The following CPEB2 variants were observed in gnomAD, a reference collection of about 807,000 sequenced individuals.
CPEB2 encodes cytoplasmic polyadenylation element-binding protein 2.
In CPEB2, 56 loss-of-function variants were observed where a neutral mutation model predicts 93.6. The observed-to-expected ratio is 0.60, with a 90% CI of 0.48 to 0.75. CPEB2 has a LOEUF of 0.75. CPEB2 is among the 30% of genes least tolerant of loss of function. CPEB2 has a pLI of 0.00. For synonymous variants in CPEB2, 764 were observed against 586.3 expected, an observed-to-expected ratio of 1.30 and a Z score of -4.38; for missense variants, 1,579 against 1,395.1, an observed-to-expected ratio of 1.13 and a Z score of -2.10.
chr4:15,040,960 A>C (rs529933677), intron 6 of CPEB2, among the ~76,000 whole-genome samples: 1 of 152,170 alleles, frequency 6.6e-6, no homozygotes, highest in African/African-American at 2.4e-5. Context: ...TATAGAAATC[A>C]TGTTGCTTAT....
chr4:15,023,335 T>C (rs7673533), intron 4 of CPEB2, among the ~76,000 whole-genome samples: 150,965 of 152,096 alleles, frequency 0.99, 74,931 homozygotes, highest in Middle Eastern at 1. Context: ...AGAATTTCTT[T>C]TGAAGGTTTT....
At chr4:15,058,332 TC>T in intron 8 of CPEB2, 88 bp from the exon 9 acceptor site, 3 of 732,002 alleles carry the variant, frequency 4.1e-6, no homozygotes, top group East Asian at 2.5e-5. Context: ...TTTTTTTTTT[TC>T]AAAAGCATGT....
At position 15,003,902 on chromosome 4, in the gene CPEB2, A is replaced by AGCAGCCGCCCCAGCCGCAGCC. The variant is rs1160907955; in HGVS notation, c.1240_1260dup (p.Gln414_Pro420dup). The AGCAGCCGCCCCAGCCGCAGCC allele has an allele frequency of 3.6e-5, 33 of 904,340 alleles. No individual in the cohort carries two copies. The highest frequency in any genetic ancestry group is 4.5e-5 in the Non-Finnish European group (31 of 693,604). The allele number at this position is 904,340 out of a possible 1,614,324, so 56.0% of individuals were successfully genotyped here. On this transcript the variant is annotated inframe_insertion, in exon 1 of 12. Transcript: ENST00000538197. The stretch of plus-strand genomic sequence containing the variant: ...CCGCAGCAGCAGCCGCCGCCACCCC[A>AGCAGCCGCCCCAGCCGCAGCC]GCAGCCGCCCCAGCCGCAGCCGCAG...
At chr4:15,053,015 A>T (rs1214462256) in intron 7 of CPEB2, among the ~76,000 whole-genome samples, 1 of 144,732 alleles carries the variant, frequency 6.9e-6, no homozygotes, top group African/African-American at 2.7e-5. Flanking sequence ...ATTTTTATTT[A>T]TTTATTTATT....
rs542496629 is a variant in CPEB2 at position 15,027,252 on chromosome 4, A to C, written c.2126-5909A>C. Among the ~76,000 whole-genome samples, 20 of 152,320 alleles carry C rather than the reference A, an allele frequency of 1.3e-4. 1 individual carries two copies. Among genetic ancestry groups the C allele is most frequent in the Admixed American group, 1.0e-3 (16 of 15,306 alleles). On this transcript the variant is annotated intron_variant, in intron 4 of 11. Coordinates refer to ENST00000538197, the MANE Select transcript of CPEB2 (RefSeq NM_001177382.2). ...AGTATTAATTGGGTAAAAGTCTTAA[A>C]ATATGATTAGGCCAAAAAATTTATG...
Position 15,003,078 on chromosome 4 carries a change from C to T in CPEB2, c.405C>T (p.Leu135=). ...GGTIAGVTHL[L]PSQDFKPSLH... ...CGATCGCGGGTGTGACCCACCTCCT[C>T]CCCTCCCAGGACTTCAAACCGAGTC... Residue 135 remains leucine, a synonymous_variant, in exon 1 of 12, where the codon CTC becomes CTT. Transcript: ENST00000538197. The T allele has an allele frequency of 2.0e-6, 3 of 1,529,114 alleles. No individual in the cohort carries two copies. The highest frequency in any genetic ancestry group is 2.6e-6 in the Non-Finnish European group (3 of 1,144,726). The allele number at this position is 1,529,114 out of a possible 1,614,324, so 94.7% of individuals were successfully genotyped here.
intron 4 of CPEB2, among the ~76,000 whole-genome samples, chr4:15,019,019 A>G (rs1404257289): frequency 6.7e-6 from 1 of 148,332 alleles, no homozygotes; most frequent in Non-Finnish European, 1.5e-5. Context: ...TTTTAATCTC[A>G]AGTGAATTCA....
chr4:15,004,920 G>T (rs1285561461), intron 1 of CPEB2: 2 of 142,644 alleles, frequency 1.4e-5, no homozygotes, highest in African/African-American at 5.8e-5. Context: ...AGGGAAGGCG[G>T]AAAGGCTTTT....
intron 1 of CPEB2, 83 bp downstream of exon 1, chr4:15,004,418 A>AC (rs1444743037): frequency 7.5e-6 from 8 of 1,064,166 alleles, no homozygotes; most frequent in Non-Finnish European, 8.8e-6. Context: ...GCAGCCGGGG[A>AC]CCCGACCTTA....
intron 10 of CPEB2, among the ~76,000 whole-genome samples, chr4:15,060,155 G>T (rs1729058867): frequency 6.6e-6 from 1 of 152,066 alleles, no homozygotes; most frequent in Non-Finnish European, 1.5e-5. Context: ...CTTATTTAAA[G>T]GTCTTGAGTG....
intron 4 of CPEB2, chr4:15,018,013 CATA>C (rs1724370895): frequency 6.6e-6 from 1 of 151,796 alleles, no homozygotes; most frequent in Non-Finnish European, 1.5e-5. Flanking sequence ...TCTATTGCTA[CATA>C]ATAAATTATC....
At chr4:15,051,295 C>T (rs575334367) in intron 6 of CPEB2, among the ~76,000 whole-genome samples, 2 of 152,280 alleles carry the variant, frequency 1.3e-5, no homozygotes, top group East Asian at 3.9e-4. Flanking sequence ...CTAAATGTCT[C>T]GTTAGCCTGT....
intron 3 of CPEB2, among the ~76,000 whole-genome samples, chr4:15,012,837 A>G (rs992465665): frequency 2.0e-4 from 30 of 152,094 alleles, no homozygotes; most frequent in African/African-American, 6.8e-4. Flanking sequence ...GGGGTTTTCT[A>G]TAATCTTATT....
chr4:15,004,029 G>T lies in CPEB2; in HGVS notation c.1356G>T (p.Gly452=). 4 of 1,563,168 alleles carry T rather than the reference G, an allele frequency of 2.6e-6. No homozygotes were observed. The highest frequency in any genetic ancestry group is 3.5e-6 in the Non-Finnish European group (4 of 1,157,522). Residue 452 remains glycine (G), a synonymous_variant, in exon 1 of 12, where the codon GGG becomes GGT. Transcript: ENST00000538197. ...ACTCAGAGAACGGCTTCTACCCCGG[G>T]CTGCCGTCGTCCATGAACCCGGCCT... ...SPDSENGFYP[G]LPSSMNPAFF... is the part of the protein sequence containing the mutation.
At chr4:15,022,849 A>G (rs1336122486) in intron 4 of CPEB2, among the ~76,000 whole-genome samples, 1 of 152,132 alleles carries the variant, frequency 6.6e-6, no homozygotes, top group Non-Finnish European at 1.5e-5. Flanking sequence ...TGAAAAGGAA[A>G]TGATAAAAAT....
intron 8 of CPEB2, among the ~76,000 whole-genome samples, chr4:15,054,580 T>C (rs539307037): frequency 1.3e-4 from 20 of 152,242 alleles, no homozygotes; most frequent in African/African-American, 4.8e-4. Context: ...ATAATTTAGA[T>C]AAAAGACAAA....
Position 15,002,712 on chromosome 4 carries a change from G to C in CPEB2, c.39G>C (p.Pro13=). The change falls in exon 1 of 12, where the codon CCG becomes CCC. Residue 13 remains proline, a synonymous_variant. Transcript: ENST00000538197. The stretch of plus-strand genomic sequence containing the variant: ...GGTTTGGGGTGCTGCAGACCGCCCC[G>C]CTCCGAAGTAGCAGTCCTGGGCCCC... ...DFGFGVLQTA[P]LRSSSPGPLF... is the part of the protein sequence containing the mutation. 1 of 1,526,050 alleles carries C rather than the reference G, an allele frequency of 6.6e-7. No individual in the cohort carries two copies. Among genetic ancestry groups the C allele is most frequent in the Non-Finnish European group, 8.8e-7 (1 of 1,142,264 alleles). The allele number at this position is 1,526,050 out of a possible 1,614,324, so 94.5% of individuals were successfully genotyped here.
intron 8 of CPEB2, among the ~76,000 whole-genome samples, 181 bp from the exon 9 acceptor site, chr4:15,058,236 CTGAG>C (rs1405689571): frequency 6.6e-6 from 1 of 151,936 alleles, no homozygotes; most frequent in African/African-American, 2.4e-5. Flanking sequence ...AATTGCTTTA[CTGAG>C]TATCTGTTTT....
intron 5 of CPEB2, among the ~76,000 whole-genome samples, chr4:15,035,422 G>C (rs1321222744): frequency 6.6e-6 from 1 of 152,104 alleles, no homozygotes; most frequent in Non-Finnish European, 1.5e-5. Flanking sequence ...TGAGAAGTGA[G>C]TGAATTCATT....
Sources: gnomAD v4.1 joint callset for allele counts (sites outside exome capture counted in the v4.1 genomes callset) on GRCh38, gnomAD v4.1.1 for gene constraint, MANE v1.5 for transcripts, NCBI Gene and HGNC (gene_info 2026-07-23, HGNC 2026-07-21) for gene names.